ERICH6: variants seen among roughly 807,000 people sequenced by gnomAD.
The protein encoded by ERICH6 is glutamate rich 6.
ERICH6 carries 71 observed loss-of-function variants against 71.0 expected under a neutral mutation model. The observed-to-expected ratio is 1.00, with a 90% CI of 0.83 to 1.22. The LOEUF is 1.22. Among genes scored for constraint, ERICH6 ranks in the 50% most tolerant of loss-of-function variants. ERICH6 has a pLI of 0.00. For missense variants in ERICH6, 808 were observed against 797.2 expected (o/e 1.01, Z -0.16); for synonymous variants, 262 against 278.4 (o/e 0.94, Z 0.59).
In ERICH6 at chr3:150,703,731, C is replaced by T; in HGVS notation, c.168G>A (p.Val56=). The part of the protein sequence containing the change: ...EEVEEEEEEV[V]EEELVGEEQE... ...GCTCTTCCCCCACCAACTCCTCCTC[C>T]ACCACCTCCTCCTCCTCCTCCTCCA... Residue 56 remains valine, a synonymous_variant, in exon 1 of 14, where the codon GTG becomes GTA. Transcript: ENST00000295910. 2 of 1,600,496 alleles carry T rather than the reference C, an allele frequency of 1.2e-6. No individual in the cohort carries two copies. The highest frequency in any genetic ancestry group is 1.7e-6 in the Non-Finnish European group (2 of 1,174,302).
chr3:150,691,675 A>T (rs1033846087), intron 3 of ERICH6, among the ~76,000 whole-genome samples: 3 of 152,070 alleles, frequency 2.0e-5, no homozygotes, highest in African/African-American at 7.2e-5. Flanking sequence ...AAGTTGCCAT[A>T]TTATTATTAA....
chr3:150,674,805 CT>C lies in ERICH6; in HGVS notation c.1258-765del, dbSNP rs796572317. ...TTCTATAGCATTACTGCCCCCCAACCTTTTTTTTTTTTCTTGGTCTAGTAGT... is the reference window on the plus strand; with the variant it reads ...TTCTATAGCATTACTGCCCCCCAACCTTTTTTTTTTTCTTGGTCTAGTAGT... On this transcript the variant is annotated intron_variant, in intron 10 of 13. Transcript: ENST00000295910. Among the ~76,000 whole-genome samples, 443 of 146,262 alleles carry C rather than the reference CT, an allele frequency of 3.0e-3. 3 individuals carry two copies. The highest frequency in any genetic ancestry group is 8.0e-3 in the African/African-American group (324 of 40,276).
chr3:150,686,629 T>A (rs563680217), intron 3 of ERICH6, among the ~76,000 whole-genome samples: 23 of 152,294 alleles, frequency 1.5e-4, no homozygotes, highest in Admixed American at 4.6e-4. Flanking sequence ...TATTCCAAAA[T>A]CCTGAGTGGA....
At chr3:150,702,214 TC>T (rs1358950793) in intron 1 of ERICH6, 36 bp from the exon 2 acceptor site, 1 of 1,381,796 alleles carries the variant, frequency 7.2e-7, no homozygotes. Context: ...AGCTATTCCC[TC>T]TAAATCAAAA....
chr3:150,686,426 T>A, intron 3 of ERICH6, 72 bp from the exon 4 acceptor site: 2 of 1,289,840 alleles, frequency 1.6e-6, no homozygotes, highest in South Asian at 2.6e-5. Flanking sequence ...AGAAAATACA[T>A]CTCTCAGAAA....
chr3:150,689,805 A>G (rs1198007693), intron 3 of ERICH6, among the ~76,000 whole-genome samples: 2 of 152,204 alleles, frequency 1.3e-5, no homozygotes, highest in African/African-American at 2.4e-5. Context: ...CTTAAAGAAA[A>G]CAGAGAAGGT....
In ERICH6 at chr3:150,661,599, G is replaced by A. The variant is rs1041005642; in HGVS notation, c.1729-1444C>T. Among the ~76,000 whole-genome samples, 42 of 152,294 alleles carry A rather than the reference G, an allele frequency of 2.8e-4. No individual in the cohort carries two copies. The East Asian group carries it at 5.4e-3, about 20-fold the overall frequency. ...CATATTTATATAGTTAATATTTTCCGAGGGACTTGAGAGAATATTGTTAAG... is the reference window on the plus strand; with the variant it reads ...CATATTTATATAGTTAATATTTTCCAAGGGACTTGAGAGAATATTGTTAAG... On this transcript the variant is annotated intron_variant, in intron 13 of 13. Transcript: ENST00000295910.
intron 3 of ERICH6, among the ~76,000 whole-genome samples, chr3:150,689,839 C>T (rs973721703): frequency 2.0e-5 from 3 of 152,124 alleles, no homozygotes; most frequent in Non-Finnish European, 4.4e-5. Context: ...TGCGGGAGAA[C>T]GCTGTTTTTC....
chr3:150,697,501 T>C (rs1712697672), intron 3 of ERICH6, among the ~76,000 whole-genome samples: 1 of 152,180 alleles, frequency 6.6e-6, no homozygotes, highest in Non-Finnish European at 1.5e-5. Flanking sequence ...AAGCTGGTCC[T>C]ATCCACATCA....
At position 150,678,391 on chromosome 3, in the gene ERICH6, A is replaced by C; in HGVS notation, c.1257+18T>G. 1.3e-6 allele frequency: 2 copies of C among 1,529,154 alleles called. No homozygotes were observed. The highest frequency in any genetic ancestry group is 1.7e-6 in the Non-Finnish European group (2 of 1,144,086). The allele number at this position is 1,529,154 out of a possible 1,614,324, so 94.7% of individuals were successfully genotyped here. A position where few individuals can be genotyped will look rare whatever the true frequency, so the allele number is the denominator to read the frequency against. ...GTTTTTTTTAAAATAGCAAGTAAAAAAATTACAAGTTCATTACCTTTCCAC... is the reference window on the plus strand; with the variant it reads ...GTTTTTTTTAAAATAGCAAGTAAAACAATTACAAGTTCATTACCTTTCCAC... On this transcript the variant is annotated intron_variant, in intron 10 of 13. Transcript: ENST00000295910.
intron 3 of ERICH6, 86 bp downstream of exon 3, chr3:150,698,705 T>G: frequency 8.9e-7 from 1 of 1,119,774 alleles, no homozygotes; most frequent in Non-Finnish European, 1.3e-6. Flanking sequence ...GGGATTCAAA[T>G]CTAGCTGTAC....
At chr3:150,682,131 G>T in intron 7 of ERICH6, 87 bp downstream of exon 7, 1 of 1,145,850 alleles carries the variant, frequency 8.7e-7, no homozygotes, top group Non-Finnish European at 1.3e-6. Context: ...TTTTAAAAAT[G>T]GCAATGCAGG....
chr3:150,695,878 A>C (rs1712639631), intron 3 of ERICH6, among the ~76,000 whole-genome samples: 1 of 151,828 alleles, frequency 6.6e-6, no homozygotes, highest in African/African-American at 2.4e-5. Flanking sequence ...AAAAGGTATC[A>C]ATTATTCACA....
intron 13 of ERICH6, among the ~76,000 whole-genome samples, 180 bp downstream of exon 13, chr3:150,666,607 C>G (rs113206927): frequency 6.6e-6 from 1 of 152,312 alleles, no homozygotes; most frequent in African/African-American, 2.4e-5. Flanking sequence ...GAGTAAGAAA[C>G]AGTAAAGCCA....
intron 10 of ERICH6, among the ~76,000 whole-genome samples, chr3:150,677,725 G>A (rs1711716861): frequency 6.6e-6 from 1 of 151,966 alleles, no homozygotes; most frequent in African/African-American, 2.4e-5. Flanking sequence ...TTGAATTCCT[G>A]GATTCCAGCA....
chr3:150,686,180 C>T (rs940283182), intron 4 of ERICH6, 118 bp downstream of exon 4: 70 of 1,308,032 alleles, frequency 5.4e-5, no homozygotes, highest in Non-Finnish European at 7.7e-5. Context: ...CACCTTCTCA[C>T]ACCTGTTCTT....
rs748873285 is a variant in ERICH6, at chr3:150,673,963, G to A, written c.1336C>T (p.Gln446Ter). ...CTTGTTGAAAGAGGATACAATATTT[G>A]TGTTGTCCCATCTGGAAATGAAGTC... is the stretch of plus-strand genomic sequence containing the variant. Reference protein sequence around the residue: ...FLTSFPDGTTQIFYPSGNLAI... With the variant: ...FLTSFPDGTT Residue 446 changes from glutamine (Q) to a stop codon, truncating the protein, a stop_gained, in exon 11 of 14, where the codon CAA becomes TAA. Transcript: ENST00000295910. LOFTEE classifies it high-confidence loss of function. 2.5e-6 allele frequency: 4 copies of A among 1,613,594 alleles called. No homozygotes were observed. The South Asian group carries it at 4.4e-5, about 18-fold the overall frequency.
At chr3:150,681,982 T>C (rs890031206) in intron 7 of ERICH6, among the ~76,000 whole-genome samples, 4 of 151,940 alleles carry the variant, frequency 2.6e-5, no homozygotes, top group Non-Finnish European at 5.9e-5. Flanking sequence ...GCCCGGCTAA[T>C]TTTTTGTATT....
chr3:150,686,648 A>G (rs575288466), intron 3 of ERICH6, among the ~76,000 whole-genome samples: 1 of 152,286 alleles, frequency 6.6e-6, no homozygotes, highest in African/African-American at 2.4e-5. Flanking sequence ...GATGCCTGAA[A>G]CTGCAGGTAT....
Sources: gnomAD v4.1 joint callset for allele counts (sites outside exome capture counted in the v4.1 genomes callset) on GRCh38, gnomAD v4.1.1 for gene constraint, MANE v1.5 for transcripts, NCBI Gene and HGNC (gene_info 2026-07-23, HGNC 2026-07-21) for gene names.